The following DDIT3 variants were observed in gnomAD, a reference collection of about 807,000 sequenced individuals.
DDIT3 encodes the protein DNA damage-inducible transcript 3 protein.
Under a neutral mutation model 17.6 loss-of-function variants are expected in DDIT3, and 14 were observed. That is an observed-to-expected ratio of 0.80 (90% confidence interval 0.53 to 1.25). The LOEUF is 1.25. DDIT3 is among the 50% of genes most tolerant of loss of function. The pLI is 0.00. For synonymous variants in DDIT3, 93 were observed against 76.5 expected (o/e 1.22, Z -1.13); for missense variants, 216 against 202.7 (o/e 1.07, Z -0.40).
chr12:57,518,713 G>A (rs1225674622), intron 1 of DDIT3, among the ~76,000 whole-genome samples: 1 of 152,122 alleles, frequency 6.6e-6, no homozygotes, highest in Non-Finnish European at 1.5e-5. Context: ...CAGGCTGGAA[G>A]GCAGTGGCGC....
intron 1 of DDIT3, chr12:57,519,390 TC>T (rs1878121924): frequency 2.7e-6 from 1 of 367,480 alleles, no homozygotes; most frequent in Non-Finnish European, 5.4e-6. Context: ...GATGATTTTT[TC>T]CTCTTGCTCA....
rs1594841064 is a variant in DDIT3 at position 57,517,591 on chromosome 12, T to C, written c.-33+115A>G. ...ATTTACATATTGTTTATGGCTGCTT[T>C]GGTGCTACAGTGGCAGAGATGAAGA... On this transcript the variant is annotated intron_variant, in intron 2 of 3. Coordinates refer to ENST00000346473, the MANE Select transcript of DDIT3 (RefSeq NM_004083.6). 5 of 783,108 alleles carry C rather than the reference T, an allele frequency of 6.4e-6. No individual in the cohort carries two copies. In the East Asian group the frequency reaches 1.1e-4, roughly 17 times the overall value. The allele number at this position is 783,108 out of a possible 1,614,324, so 48.5% of individuals were successfully genotyped here.
chr12:57,516,813 G>T lies in DDIT3; in HGVS notation c.506C>A (p.Ala169Glu). ...GGGACTGATGCTCCCAATTGTTCAT[G>T]CTTGGTGCAGATTCACCATTCGGTC... ...LIDRMVNLHQ[A>E] The change falls in exon 4 of 4, where the codon GCA (alanine) becomes GAA (glutamate). Residue 169 changes from alanine (A) to glutamate (E), a missense_variant. Coordinates refer to ENST00000346473, the MANE Select transcript of DDIT3 (RefSeq NM_004083.6). The T allele has an allele frequency of 6.2e-7, 1 of 1,609,958 alleles. No individual in the cohort carries two copies.
chr12:57,516,918 A>G lies in DDIT3; in HGVS notation c.401T>C (p.Leu134Pro). ...EQENERKVAQ[L>P]AEENERLKQE... is the part of the protein sequence containing the mutation. Reference sequence around the variant, plus strand: ...CTTGAGCCGTTCATTCTCTTCAGCTAGCTGTGCCACTTTCCTTTCATTCTC... The same window carrying G: ...CTTGAGCCGTTCATTCTCTTCAGCTGGCTGTGCCACTTTCCTTTCATTCTC... Residue 134 changes from leucine (L) to proline (P), a missense_variant, in exon 4 of 4, where the codon CTA (leucine) becomes CCA (proline). Transcript: ENST00000346473. 1 of 1,614,092 alleles carries G rather than the reference A, an allele frequency of 6.2e-7. No individual in the cohort carries two copies. Among genetic ancestry groups the G allele is most frequent in the Non-Finnish European group, 8.5e-7 (1 of 1,180,026 alleles).
chr12:57,517,531 G>C (rs1406490849), intron 2 of DDIT3, 93 bp from the exon 3 acceptor site: 8 of 1,376,652 alleles, frequency 5.8e-6, no homozygotes, highest in Middle Eastern at 1.8e-4. Context: ...TGTTTTTGTA[G>C]GTAAAGTTGT....
intron 1 of DDIT3, among the ~76,000 whole-genome samples, chr12:57,518,041 G>T (rs1205180775): frequency 3.9e-5 from 6 of 152,134 alleles, no homozygotes; most frequent in Admixed American, 2.0e-4. Flanking sequence ...TGGCCAGGAT[G>T]GTCTCCATCT....
intron 1 of DDIT3, chr12:57,519,039 T>C (rs1354940901): frequency 1.3e-5 from 7 of 522,310 alleles, no homozygotes; most frequent in Non-Finnish European, 2.7e-5. Context: ...TTGTTTCCAA[T>C]CTAGATCAAT....
At chr12:57,520,365 C>T (rs1594845507) in intron 1 of DDIT3, 53 bp downstream of exon 1, 3 of 398,456 alleles carry the variant, frequency 7.5e-6, no homozygotes, top group South Asian at 1.3e-4. Flanking sequence ...AGAGCGGACG[C>T]CCCAACTTTG....
intron 1 of DDIT3, chr12:57,519,294 C>T: frequency 4.1e-6 from 2 of 486,818 alleles, no homozygotes; most frequent in Non-Finnish European, 8.4e-6. Flanking sequence ...ACACTCTGAC[C>T]TCCATCCTGA....
intron 1 of DDIT3, chr12:57,519,117 C>T: frequency 1.9e-6 from 1 of 532,426 alleles, no homozygotes. Flanking sequence ...TCTTCTCTTG[C>T]CACCCCTCCG....
intron 1 of DDIT3, among the ~76,000 whole-genome samples, chr12:57,519,774 G>A (rs1250589826): frequency 6.6e-6 from 1 of 152,210 alleles, no homozygotes; most frequent in East Asian, 1.9e-4. Context: ...ACAATACCCT[G>A]GGGAGACCCC....
At position 57,517,347 on chromosome 12, in the gene DDIT3, G is replaced by C; in HGVS notation, c.60C>G (p.Ala20=). Residue 20 remains alanine (A), a synonymous_variant, in exon 3 of 4, where the codon GCC becomes GCG. Coordinates refer to ENST00000346473, the MANE Select transcript of DDIT3 (RefSeq NM_004083.6). ...FGTLSSWELE[A]WYEDLQEVLS... ...GGACCTCTTGCAGGTCCTCATACCA[G>C]GCTTCCAGCTCCCAGCTGGACAGTG... The C allele has an allele frequency of 6.2e-7, 1 of 1,613,812 alleles. No individual in the cohort carries two copies. Among genetic ancestry groups the C allele is most frequent in the Non-Finnish European group, 8.5e-7 (1 of 1,180,022 alleles).
Position 57,517,055 on chromosome 12 carries a change from G to T in DDIT3, c.264C>A (p.Ser88Arg). The T allele has an allele frequency of 3.7e-6, 6 of 1,614,174 alleles. No individual in the cohort carries two copies. The highest frequency in any genetic ancestry group is 5.1e-6 in the Non-Finnish European group (6 of 1,180,034). ...CCTCCTCTTCCTCCTGAGCCAGGGA[G>T]CTCTGACTGGAATCTGGAGAGTGAG... ...QSPHSPDSSQ[S>R]SLAQEEEEED... is the part of the protein sequence containing the mutation. Residue 88 changes from serine to arginine, a missense_variant, in exon 4 of 4, where the codon AGC (serine) becomes AGA (arginine). Transcript: ENST00000346473.
At chr12:57,520,218 G>A (rs1270564749) in intron 1 of DDIT3, among the ~76,000 whole-genome samples, 200 bp downstream of exon 1, 1 of 152,202 alleles carries the variant, frequency 6.6e-6, no homozygotes, top group Non-Finnish European at 1.5e-5. Flanking sequence ...CCGTGTTCCG[G>A]CTCCGGGCAG....
chr12:57,520,294 C>CT lies in DDIT3; in HGVS notation c.-81+123dup, dbSNP rs1465884357. 1.8e-5 allele frequency: 7 copies of CT among 397,178 alleles called. No individual in the cohort carries two copies. In the East Asian group the frequency reaches 1.8e-4, roughly 10 times the overall value. The allele number at this position is 397,178 out of a possible 1,614,324, so 24.6% of individuals were successfully genotyped here. On this transcript the variant is annotated intron_variant, in intron 1 of 3. Coordinates refer to ENST00000346473, the MANE Select transcript of DDIT3 (RefSeq NM_004083.6). ...AAGCACCACCCCAGAATAAGGGACT[C>CT]TCCCCATTCCTCTCTCGGACGGTCC...
rs1454353813 is a variant in DDIT3, at chr12:57,516,997, TCTGTTTCC to T, written c.314_321del (p.Arg105GlnfsTer21). On this transcript the variant is annotated frameshift_variant, in exon 4 of 4. Coordinates refer to ENST00000346473, the MANE Select transcript of DDIT3 (RefSeq NM_004083.6). LOFTEE classifies it high-confidence loss of function. Reference sequence around the variant, plus strand: ...CCAGCCCGGGCTGGGGAATGACCACTCTGTTTCCGTTTCCTGGTTCTCCCTTGGTCTTC... The same window carrying T: ...CCAGCCCGGGCTGGGGAATGACCACTGTTTCCTGGTTCTCCCTTGGTCTTC... The T allele has an allele frequency of 1.9e-6, 3 of 1,614,000 alleles. No homozygotes were observed. Among genetic ancestry groups the T allele is most frequent in the Non-Finnish European group, 2.5e-6 (3 of 1,180,028 alleles).
At position 57,517,689 on chromosome 12, in the gene DDIT3, GGGTA is replaced by G; in HGVS notation, c.-33+13_-33+16del. 1 of 575,532 alleles carries G rather than the reference GGGTA, an allele frequency of 1.7e-6. No individual in the cohort carries two copies. Among genetic ancestry groups the G allele is most frequent in the East Asian group, 2.8e-5 (1 of 35,660 alleles). The allele number at this position is 575,532 out of a possible 1,614,324, so 35.7% of individuals were successfully genotyped here. ...CCTGCCGTTTAAAATTTTTGGAAAA[GGGTA>G]GGTTAAGTTTACCTGCTTTCAGGTG... is the stretch of plus-strand genomic sequence containing the variant. On this transcript the variant is annotated intron_variant, in intron 2 of 3. Transcript: ENST00000346473.
intron 1 of DDIT3, 87 bp downstream of exon 1, chr12:57,520,331 G>A (rs747215547): frequency 1.0e-5 from 4 of 398,214 alleles, no homozygotes; most frequent in Non-Finnish European, 1.8e-5. Context: ...TAACTTCACT[G>A]TGGAGGAGTG....
At chr12:57,519,312 C>A in intron 1 of DDIT3, 2 of 446,598 alleles carry the variant, frequency 4.5e-6, no homozygotes, top group Non-Finnish European at 4.6e-6. Flanking sequence ...TGAACATTCT[C>A]CATTCCTTTC....
Sources: gnomAD v4.1 joint callset for allele counts (sites outside exome capture counted in the v4.1 genomes callset) on GRCh38, gnomAD v4.1.1 for gene constraint, MANE v1.5 for transcripts, NCBI Gene and HGNC (gene_info 2026-07-23, HGNC 2026-07-21) for gene names.